RAD21: variants seen among roughly 807,000 people sequenced by gnomAD.
The protein encoded by RAD21 is double-strand-break repair protein rad21 homolog.
In RAD21, 18 loss-of-function variants were observed where a neutral mutation model predicts 71.5. The ratio of observed to expected loss-of-function variants is 0.25; its 90% CI spans 0.17 to 0.37. The LOEUF (loss-of-function observed/expected upper bound fraction) is 0.37. Among genes scored for constraint, RAD21 ranks in the 10% least tolerant of loss-of-function variants. The pLI is 1.00. For missense variants in RAD21, 493 were observed against 769.1 expected (o/e 0.64, Z 4.25); for synonymous variants, 248 against 254.0 (o/e 0.98, Z 0.22).
chr8:116,856,689 C>T lies in RAD21; in HGVS notation c.771G>A (p.Glu257=). 6.3e-7 allele frequency: 1 copy of T among 1,595,500 alleles called. No individual in the cohort carries two copies. Among genetic ancestry groups the T allele is most frequent in the Non-Finnish European group, 8.5e-7 (1 of 1,170,584 alleles). The change falls in exon 7 of 14, where the codon GAG becomes GAA. Residue 257 remains glutamate, a synonymous_variant. Transcript: ENST00000297338. ...ALSEAGVMLP[E]QPAHDDMDED... ...CATCCATATCGTCATGTGCAGGCTG[C>T]TCTGGCAACATCACCCCTGCCTCAG...
chr8:116,849,218 A>G, intron 12 of RAD21, 189 bp from the exon 13 acceptor site: 2 of 447,052 alleles, frequency 4.5e-6, no homozygotes, highest in Non-Finnish European at 3.9e-6. Context: ...TTTTTCTTAA[A>G]TTACAAGGCA....
intron 1 of RAD21, among the ~76,000 whole-genome samples, chr8:116,871,125 T>C (rs555543022): frequency 1.6e-3 from 240 of 152,354 alleles, no homozygotes; most frequent in Middle Eastern, 6.8e-3. Context: ...GGTGTATATC[T>C]GAATAAGGAG....
At chr8:116,872,454 C>G (rs1341688004) in intron 1 of RAD21, among the ~76,000 whole-genome samples, 1 of 151,990 alleles carries the variant, frequency 6.6e-6, no homozygotes, top group African/African-American at 2.4e-5. Flanking sequence ...ACACATGAAA[C>G]TGGTGATACT....
intron 8 of RAD21, among the ~76,000 whole-genome samples, chr8:116,855,063 C>T (rs1432807030): frequency 1.3e-5 from 2 of 151,922 alleles, no homozygotes; most frequent in South Asian, 4.2e-4. Context: ...TGCAGAAAAG[C>T]GCATGGGGTT....
chr8:116,863,032 T>C (rs1159727615), intron 3 of RAD21, 98 bp downstream of exon 3: 35 of 1,413,082 alleles, frequency 2.5e-5, no homozygotes, highest in Middle Eastern at 2.7e-4. Flanking sequence ...AAACAAAGCA[T>C]GTAGATTTAG....
At chr8:116,856,087 G>A in intron 8 of RAD21, 79 bp downstream of exon 8, 2 of 1,458,720 alleles carry the variant, frequency 1.4e-6, no homozygotes, top group Non-Finnish European at 1.9e-6. Context: ...TACAACAGTA[G>A]CAGATCAGTA....
chr8:116,864,791 G>T (rs1447966440), intron 2 of RAD21, among the ~76,000 whole-genome samples: 36 of 152,088 alleles, frequency 2.4e-4, no homozygotes, highest in Admixed American at 2.4e-3. Context: ...GTTTAGCCTA[G>T]GAGTAGGTAA....
At chr8:116,856,522 A>T in intron 7 of RAD21, 124 bp downstream of exon 7, 1 of 1,273,546 alleles carries the variant, frequency 7.9e-7, no homozygotes, top group Non-Finnish European at 1.0e-6. Context: ...AATCATAAGC[A>T]CTGTACTTAA....
chr8:116,863,053 T>C, intron 3 of RAD21, 77 bp downstream of exon 3: 2 of 1,482,472 alleles, frequency 1.3e-6, no homozygotes, highest in South Asian at 2.6e-5. Context: ...AAAATGTGTT[T>C]AGCTACAGTA....
At chr8:116,866,554 A>C in intron 2 of RAD21, 32 bp downstream of exon 2, 1 of 1,577,638 alleles carries the variant, frequency 6.3e-7, no homozygotes, top group Non-Finnish European at 8.6e-7. Context: ...AACAATCAAC[A>C]AAGTGAATAA....
At chr8:116,864,424 A>T (rs1205480652) in intron 2 of RAD21, among the ~76,000 whole-genome samples, 1 of 152,144 alleles carries the variant, frequency 6.6e-6, no homozygotes, top group Non-Finnish European at 1.5e-5. Context: ...GACCCTACTT[A>T]TGACTCTCAG....
chr8:116,874,350 A>C (rs1812921684), intron 1 of RAD21: 1 of 166,270 alleles, frequency 6.0e-6, no homozygotes, highest in Non-Finnish European at 1.3e-5. Flanking sequence ...AATGGATCAG[A>C]ATCATTTGTT....
chr8:116,849,009 G>T lies in RAD21; in HGVS notation c.1641C>A (p.Gly547=), dbSNP rs373420454. 5 of 1,590,272 alleles carry T rather than the reference G, an allele frequency of 3.1e-6. No individual in the cohort carries two copies. Among genetic ancestry groups the T allele is most frequent in the Non-Finnish European group, 4.3e-6 (5 of 1,169,030 alleles). ...ATCTTCTTTCTTCCTGATCTTGATC[G>T]CCCCCTGATGCATCTTCATCCTGAA... is the stretch of plus-strand genomic sequence containing the variant. The part of the protein sequence containing the change: ...EEEEDEDASG[G]DQDQEERRWN... Residue 547 remains glycine (G), a synonymous_variant, in exon 13 of 14, where the codon GGC becomes GGA. Transcript: ENST00000297338.
At chr8:116,848,086 G>C (rs1812281120) in intron 13 of RAD21, among the ~76,000 whole-genome samples, 1 of 152,164 alleles carries the variant, frequency 6.6e-6, no homozygotes, top group African/African-American at 2.4e-5. Context: ...ATAGTCTGCA[G>C]AACTGTGAGC....
chr8:116,873,946 A>G (rs1044718571), intron 1 of RAD21, among the ~76,000 whole-genome samples: 3 of 152,238 alleles, frequency 2.0e-5, no homozygotes, highest in African/African-American at 7.2e-5. Flanking sequence ...AAAAAGAAGC[A>G]ACTTCCCTCC....
rs548840522 is a variant in RAD21, at chr8:116,848,308, A to G, written c.1705-617T>C. Among the ~76,000 whole-genome samples, 298 of 152,340 alleles carry G rather than the reference A, an allele frequency of 2.0e-3. 2 individuals are homozygous for G. The highest frequency in any genetic ancestry group is 4.0e-3 in the Admixed American group (61 of 15,298). On this transcript the variant is annotated intron_variant, in intron 13 of 13. Transcript: ENST00000297338. ...ATGTTATGGTACATCTAAAATCCAA[A>G]TAAGAAAGTCCAAGAAACCAGCAAA...
At chr8:116,857,563 T>A in intron 5 of RAD21, 90 bp from the exon 6 acceptor site, 3 of 1,061,908 alleles carry the variant, frequency 2.8e-6, no homozygotes, top group Non-Finnish European at 4.1e-6. Context: ...TCTAATTATG[T>A]CACATTTGCT....
intron 1 of RAD21, chr8:116,874,011 C>T (rs73310229): frequency 1.3e-5 from 2 of 152,240 alleles, no homozygotes; most frequent in African/African-American, 4.8e-5. Flanking sequence ...TAAAAATTAT[C>T]TTTTTAAAAC....
At chr8:116,873,540 C>T (rs1052059073) in intron 1 of RAD21, among the ~76,000 whole-genome samples, 4 of 152,138 alleles carry the variant, frequency 2.6e-5, no homozygotes, top group Non-Finnish European at 5.9e-5. Context: ...ACCAATTACT[C>T]TTCTAACCAG....
Sources: allele counts gnomAD v4.1 joint callset (sites outside exome capture counted in the v4.1 genomes callset), GRCh38; gene constraint gnomAD v4.1.1; transcripts MANE v1.5; gene names NCBI Gene and HGNC (gene_info 2026-07-23, HGNC 2026-07-21).